ATP6V0A1: variants seen among roughly 807,000 people sequenced by gnomAD.
ATP6V0A1 encodes the protein ATPase H+ transporting V0 subunit a1, also known as V-type proton ATPase 116 kDa subunit a 1.
In ATP6V0A1, 43 loss-of-function variants were observed where a neutral mutation model predicts 105.4. That is an observed-to-expected ratio of 0.41 (90% CI 0.32 to 0.53). ATP6V0A1 has a LOEUF of 0.53. Ranked by LOEUF, ATP6V0A1 falls within the 20% of genes least tolerant of loss-of-function variation. The pLI is 0.30. For synonymous variants in ATP6V0A1, 362 were observed against 372.8 expected, an observed-to-expected ratio of 0.97 and a Z score of 0.33; for missense variants, 676 against 1,051.1, an observed-to-expected ratio of 0.64 and a Z score of 4.93.
In ATP6V0A1 at chr17:42,480,550, C is replaced by T. The variant is rs1042603991; in HGVS notation, c.634-117C>T. ...TGAGGGCAGTGGTTAAAATGCAGGACTGCCATGTCCTTAAAAGATGCCTGT... is the reference window on the plus strand; with the variant it reads ...TGAGGGCAGTGGTTAAAATGCAGGATTGCCATGTCCTTAAAAGATGCCTGT... On this transcript the variant is annotated intron_variant, in intron 7 of 21. Coordinates refer to ENST00000343619, the MANE Select transcript of ATP6V0A1 (RefSeq NM_001130021.3). The T allele has an allele frequency of 1.6e-5, 13 of 835,606 alleles. No homozygotes were observed. In the African/African-American group the frequency reaches 1.9e-4, roughly 12 times the overall value. The allele number at this position is 835,606 out of a possible 1,614,324, so 51.8% of individuals were successfully genotyped here.
chr17:42,514,214 A>G, intron 20 of ATP6V0A1, 75 bp from the exon 21 acceptor site: 1 of 1,506,956 alleles, frequency 6.6e-7, no homozygotes, highest in Non-Finnish European at 8.9e-7. Context: ...GAGCAGGGGG[A>G]TGGCAGAGCA....
rs181094510 is a variant in ATP6V0A1 at position 42,503,079 on chromosome 17, C to A, written c.2004+1775C>A. Among the ~76,000 whole-genome samples the A allele has an allele frequency of 5.8e-3, 876 of 152,260 alleles. 15 individuals are homozygous for A. The highest frequency in any genetic ancestry group is 5.6e-3 in the Non-Finnish European group (381 of 68,008). On this transcript the variant is annotated intron_variant, in intron 17 of 21. Coordinates refer to ENST00000343619, the MANE Select transcript of ATP6V0A1 (RefSeq NM_001130021.3). ...AGCATTGGTCTACTAAGTTTCTATTCAAAAATGTAAGTACAGGCATGTCCA... is the reference window on the plus strand; with the variant it reads ...AGCATTGGTCTACTAAGTTTCTATTAAAAAATGTAAGTACAGGCATGTCCA...
intron 9 of ATP6V0A1, among the ~76,000 whole-genome samples, chr17:42,484,913 G>A (rs1234368565): frequency 2.0e-5 from 3 of 148,684 alleles, no homozygotes; most frequent in African/African-American, 2.5e-5. Context: ...GCAGTGGCGC[G>A]ATCTCGGCTC....
At chr17:42,516,098 C>T (rs1179302921) in intron 21 of ATP6V0A1, among the ~76,000 whole-genome samples, 1 of 152,194 alleles carries the variant, frequency 6.6e-6, no homozygotes, top group Non-Finnish European at 1.5e-5. Flanking sequence ...TTAGAGGCCC[C>T]TGGATGGGAT....
At chr17:42,461,936 A>G (rs1366830989) in intron 2 of ATP6V0A1, among the ~76,000 whole-genome samples, 1 of 151,148 alleles carries the variant, frequency 6.6e-6, no homozygotes, top group African/African-American at 2.4e-5. Context: ...GCCAGGTGCA[A>G]TGGCTCACAC....
At chr17:42,482,676 C>T (rs58864080) in intron 8 of ATP6V0A1, among the ~76,000 whole-genome samples, 1 of 151,770 alleles carries the variant, frequency 6.6e-6, no homozygotes, top group Non-Finnish European at 1.5e-5. Flanking sequence ...GTGGGTGGAT[C>T]GCCTAAGGTC....
At chr17:42,508,782 G>A (rs2092181783) in intron 19 of ATP6V0A1, among the ~76,000 whole-genome samples, 193 bp downstream of exon 19, 1 of 152,186 alleles carries the variant, frequency 6.6e-6, no homozygotes, top group African/African-American at 2.4e-5. Flanking sequence ...TGCATCTCAT[G>A]TCGGTCACCT....
intron 17 of ATP6V0A1, 21 bp from the exon 18 acceptor site, chr17:42,507,499 T>C: frequency 6.4e-7 from 1 of 1,566,758 alleles, no homozygotes; most frequent in Non-Finnish European, 8.8e-7. Flanking sequence ...CAAATTCTAC[T>C]CTTTCTGTTC....
At chr17:42,482,969 C>T (rs1296631936) in intron 8 of ATP6V0A1, 69 bp from the exon 9 acceptor site, 9 of 1,061,822 alleles carry the variant, frequency 8.5e-6, no homozygotes, top group Non-Finnish European at 1.1e-5. Context: ...CCTTCTGGTA[C>T]ATTAGGATTA....
chr17:42,504,813 C>G (rs1374687887), intron 17 of ATP6V0A1, among the ~76,000 whole-genome samples: 2 of 152,126 alleles, frequency 1.3e-5, no homozygotes, highest in Non-Finnish European at 2.9e-5. Context: ...AACCACCTGC[C>G]CCCACTACAG....
At chr17:42,495,741 CT>C (rs781261900) in intron 14 of ATP6V0A1, 25 bp downstream of exon 14, 403 of 1,570,772 alleles carry the variant, frequency 2.6e-4, no homozygotes, top group Non-Finnish European at 3.2e-4. Context: ...TTCCTATATG[CT>C]AACCTCAAAT....
chr17:42,487,786 G>A (rs1181849955), intron 10 of ATP6V0A1, among the ~76,000 whole-genome samples: 1 of 152,124 alleles, frequency 6.6e-6, no homozygotes, highest in African/African-American at 2.4e-5. Flanking sequence ...CATTTTTATG[G>A]CATTTCACCT....
chr17:42,494,841 T>TA, intron 12 of ATP6V0A1, 193 bp from the exon 13 acceptor site: 1 of 580,858 alleles, frequency 1.7e-6, no homozygotes, highest in Non-Finnish European at 2.8e-6. Context: ...GCCAACCTAA[T>TA]AAAAAAATAG....
chr17:42,462,224 A>T (rs2086500332), intron 2 of ATP6V0A1, among the ~76,000 whole-genome samples: 1 of 151,656 alleles, frequency 6.6e-6, no homozygotes, highest in Non-Finnish European at 1.5e-5. Flanking sequence ...CAAAACCAAA[A>T]AAAAAAAAAG....
In ATP6V0A1 at chr17:42,492,817, ACCAG is replaced by A. The variant is rs2090787991; in HGVS notation, c.1175-1514_1175-1511del. Among the ~76,000 whole-genome samples, 3 of 151,462 alleles carry A rather than the reference ACCAG, an allele frequency of 2.0e-5. No individual in the cohort carries two copies. In the East Asian group the frequency reaches 5.8e-4, roughly 29 times the overall value. On this transcript the variant is annotated intron_variant, in intron 11 of 21. Coordinates refer to ENST00000343619, the MANE Select transcript of ATP6V0A1 (RefSeq NM_001130021.3). ...GATCACTTAAGGTCAGGAGTTCGAG[ACCAG>A]CCTGGCCAACATGGTGAAACCCTAT... is the stretch of plus-strand genomic sequence containing the variant.
chr17:42,521,008 T>G lies in ATP6V0A1; in HGVS notation c.2421-19T>G, dbSNP rs769986150. The G allele has an allele frequency of 1.3e-5, 20 of 1,569,734 alleles. No homozygotes were observed. The highest frequency in any genetic ancestry group is 1.1e-4 in the Admixed American group (6 of 53,554). On this transcript the variant is annotated intron_variant, in intron 21 of 21. Transcript: ENST00000343619. The surrounding 1 kb of genome is among the most constrained non-coding windows in gnomAD (Gnocchi z 4.8). ...CAAAGTTTCTATTGAATGACAGCTT[T>G]CTTCTTCTCTTTCTCCAGGGTTGAG...
At chr17:42,501,799 C>T (rs1292712006) in intron 17 of ATP6V0A1, among the ~76,000 whole-genome samples, 6 of 151,514 alleles carry the variant, frequency 4.0e-5, no homozygotes, top group Non-Finnish European at 7.4e-5. Context: ...TTTGGGAGGC[C>T]GAGGTGGGTG....
chr17:42,461,110 T>C (rs780630122), intron 2 of ATP6V0A1, 99 bp downstream of exon 2: 42 of 1,017,002 alleles, frequency 4.1e-5, no homozygotes, highest in Admixed American at 2.7e-4. Flanking sequence ...TTTGCAAAAA[T>C]AACATTATAG....
chr17:42,473,748 G>A (rs765072396), intron 5 of ATP6V0A1, among the ~76,000 whole-genome samples: 9 of 152,076 alleles, frequency 5.9e-5, no homozygotes, highest in African/African-American at 9.7e-5. Context: ...GAGAAATTCC[G>A]AATAAAGACT....
Sources: allele counts gnomAD v4.1 joint callset (sites outside exome capture counted in the v4.1 genomes callset), GRCh38; gene constraint gnomAD v4.1.1; non-coding constraint Gnocchi (gnomAD v3.1); transcripts MANE v1.5; gene names NCBI Gene and HGNC (gene_info 2026-07-23, HGNC 2026-07-21).